The following ASNS variants were observed in gnomAD, a reference collection of about 807,000 sequenced individuals.
ASNS encodes asparagine synthetase [glutamine-hydrolyzing].
A neutral mutation model predicts 62.6 loss-of-function variants in ASNS; 37 were observed. That is an observed-to-expected ratio of 0.59 (90% CI 0.45 to 0.78). ASNS has a LOEUF of 0.78. ASNS is among the 30% of genes least tolerant of loss of function. ASNS has a pLI of 0.00. For missense variants in ASNS, 520 were observed against 682.4 expected (o/e 0.76, Z 2.65); for synonymous variants, 207 against 237.9 (o/e 0.87, Z 1.19).
the ASNS span, among the ~76,000 whole-genome samples, chr7:97,911,703 C>T: frequency 2.0e-5 from 3 of 152,254 alleles, 1 homozygote; most frequent in Middle Eastern, 0.01. Flanking sequence ...TTTTTGAGAT[C>T]TTACCATCTC....
At chr7:97,889,094 C>A in the ASNS span, among the ~76,000 whole-genome samples, 1 of 152,214 alleles carries the variant, frequency 6.6e-6, no homozygotes, top group Non-Finnish European at 1.5e-5. Context: ...AGGCTATCAT[C>A]AGTGCCCACA....
chr7:97,870,079 T>C (rs939496697), intron 1 of ASNS: 49 of 330,428 alleles, frequency 1.5e-4, no homozygotes, highest in African/African-American at 1.0e-3. Context: ...CTTACATACG[T>C]TAATTACTTT....
chr7:97,907,443 G>T, the ASNS span, among the ~76,000 whole-genome samples: 2 of 152,142 alleles, frequency 1.3e-5, no homozygotes, highest in Admixed American at 1.3e-4. Context: ...AGACAAGCCG[G>T]AAGAGGCCAG....
chr7:97,879,024 T>C, the ASNS span, among the ~76,000 whole-genome samples: 2 of 152,148 alleles, frequency 1.3e-5, no homozygotes, highest in Admixed American at 6.5e-5. Context: ...TTGACAAACC[T>C]GACAAAAACA....
At chr7:97,878,251 G>C in the ASNS span, among the ~76,000 whole-genome samples, 1 of 152,148 alleles carries the variant, frequency 6.6e-6, no homozygotes, top group Admixed American at 6.5e-5. Context: ...AGCTGGGAGT[G>C]GTGGCACACG....
At chr7:97,883,624 A>G in the ASNS span, among the ~76,000 whole-genome samples, 3,594 of 152,276 alleles carry the variant, frequency 0.024, 123 homozygotes, top group African/African-American at 0.066. Flanking sequence ...GACCAAAGCG[A>G]TCACTTCAGA....
the ASNS span, among the ~76,000 whole-genome samples, chr7:97,884,200 T>C: frequency 6.6e-6 from 1 of 152,106 alleles, no homozygotes; most frequent in Non-Finnish European, 1.5e-5. Flanking sequence ...TCCAGCCTCA[T>C]TTCCTGATTC....
chr7:97,852,351 A>G lies in ASNS; in HGVS notation c.1594T>C (p.Trp532Arg), dbSNP rs756447895. 1.9e-6 allele frequency: 3 copies of G among 1,614,186 alleles called. No individual in the cohort carries two copies. Among genetic ancestry groups the G allele is most frequent in the Non-Finnish European group, 2.5e-6 (3 of 1,180,042 alleles). The change falls in exon 13 of 13, where the codon TGG (tryptophan) becomes CGG (arginine). Residue 532 changes from tryptophan (W) to arginine (R), a missense_variant. Physicochemically the swap from Trp to Arg is moderately radical, Grantham distance 101. Coordinates refer to ENST00000394308, the MANE Select transcript of ASNS (RefSeq NM_001673.5). ...FERHYPGRAD[W>R]LSHYWMPKWI... The stretch of plus-strand genomic sequence containing the variant: ...TTGGGCATCCAGTAATGGCTCAGCC[A>G]GTCAGCCCGGCCTGGGTAATGGCGT...
chr7:97,875,891 C>G (rs1472423478), upstream of ASNS, among the ~76,000 whole-genome samples: 1 of 151,264 alleles, frequency 6.6e-6, no homozygotes, highest in Non-Finnish European at 1.5e-5. Flanking sequence ...GAGTCTTACT[C>G]TCTTGCCCAG....
At position 97,865,251 on chromosome 7, in the gene ASNS, G is replaced by A. The variant is rs138538595; in HGVS notation, c.250-755C>T. On this transcript the variant is annotated intron_variant, in intron 3 of 12. Coordinates refer to ENST00000394308, the MANE Select transcript of ASNS (RefSeq NM_001673.5). ...TAGAATCACCAGAATACCTGCATCA[G>A]CTGTTAAACAGCTGTACAAACAATG... 4.2e-3 allele frequency among the ~76,000 whole-genome samples: 634 copies of A among 152,318 alleles called. 9 individuals are homozygous for A. Among genetic ancestry groups the A allele is most frequent in the African/African-American group, 0.014 (602 of 41,574 alleles).
In ASNS at chr7:97,854,614, C is replaced by T; in HGVS notation, c.1204G>A (p.Val402Ile). 1 of 1,614,118 alleles carries T rather than the reference C, an allele frequency of 6.2e-7. No homozygotes were observed. Among genetic ancestry groups the T allele is most frequent in the South Asian group, 1.1e-5 (1 of 91,088 alleles). The change falls in exon 10 of 13, where the codon GTT becomes ATT. Residue 402 changes from valine to isoleucine, a missense_variant. Val to Ile is a conservative substitution (Grantham distance 29, BLOSUM62 3). Coordinates refer to ENST00000394308, the MANE Select transcript of ASNS (RefSeq NM_001673.5). Reference sequence around the variant, plus strand: ...GCAGTAGTTCGATCTGCGCGGAGAACATCAAACAAATAGAGTTCCCTCAGA... The same window carrying T: ...GCAGTAGTTCGATCTGCGCGGAGAATATCAAACAAATAGAGTTCCCTCAGA... The part of the protein sequence containing the change: ...RLLRELYLFD[V>I]LRADRTTAAH...
Position 97,859,246 on chromosome 7 carries a change from C to A in ASNS, c.640G>T (p.Ala214Ser). Residue 214 changes from alanine (A) to serine (S), a missense_variant, in exon 5 of 13, where the codon GCC becomes TCC. Coordinates refer to ENST00000394308, the MANE Select transcript of ASNS (RefSeq NM_001673.5). ...YHHCRDVPLH[A>S]LYDNVEKLFP... ...AGTTTCTCCACATTGTCATAGAGGG[C>A]GTGCAGGGGTACATCCCGACAGTGA... The A allele has an allele frequency of 3.1e-6, 5 of 1,613,652 alleles. No homozygotes were observed. The highest frequency in any genetic ancestry group is 3.4e-6 in the Non-Finnish European group (4 of 1,179,806).
At chr7:97,917,918 C>T in the ASNS span, among the ~76,000 whole-genome samples, 2 of 152,248 alleles carry the variant, frequency 1.3e-5, no homozygotes, top group African/African-American at 4.8e-5. Flanking sequence ...CTCTAGGATG[C>T]AGACAGTAGC....
chr7:97,907,584 C>T, the ASNS span, among the ~76,000 whole-genome samples: 4 of 152,000 alleles, frequency 2.6e-5, no homozygotes, highest in African/African-American at 7.3e-5. Flanking sequence ...CTGGCTAACA[C>T]GGTGAAACCC....
At chr7:97,888,859 C>T in the ASNS span, among the ~76,000 whole-genome samples, 1 of 152,196 alleles carries the variant, frequency 6.6e-6, no homozygotes, top group Non-Finnish European at 1.5e-5. Flanking sequence ...TGGAGATTGA[C>T]TCATCTGCCT....
At chr7:97,883,169 C>T in the ASNS span, among the ~76,000 whole-genome samples, 2 of 152,042 alleles carry the variant, frequency 1.3e-5, no homozygotes, top group South Asian at 2.1e-4. Context: ...TTCTGCATTT[C>T]TCATTAAAGC....
At chr7:97,918,615 T>C in the ASNS span, among the ~76,000 whole-genome samples, 2 of 152,208 alleles carry the variant, frequency 1.3e-5, no homozygotes, top group African/African-American at 4.8e-5. Flanking sequence ...TAAAAAAGGT[T>C]ACAATAAACA....
chr7:97,858,929 T>G lies in ASNS; in HGVS notation c.700A>C (p.Asn234His). ...PGFEIETVKNNLRILFNNAVK... is the reference protein window; with the variant it reads ...PGFEIETVKNHLRILFNNAVK... ...GCATTATTAAAAAGGATCCTGAGGT[T>G]GTTCTTCACAGTTTCTATCTCAAAA... Residue 234 changes from asparagine to histidine, a missense_variant, in exon 6 of 13, where the codon AAC becomes CAC. By Grantham distance (68) the Asn-to-His change is moderately conservative. Coordinates refer to ENST00000394308, the MANE Select transcript of ASNS (RefSeq NM_001673.5). 1 of 1,613,522 alleles carries G rather than the reference T, an allele frequency of 6.2e-7. No individual in the cohort carries two copies. Among genetic ancestry groups the G allele is most frequent in the Non-Finnish European group, 8.5e-7 (1 of 1,179,898 alleles).
chr7:97,927,257 C>T, the ASNS span, among the ~76,000 whole-genome samples: 2 of 152,112 alleles, frequency 1.3e-5, no homozygotes, highest in Non-Finnish European at 1.5e-5. Context: ...CAGAACAAAA[C>T]ATCACTGCAA....
Sources: allele counts gnomAD v4.1 joint callset (sites outside exome capture counted in the v4.1 genomes callset), GRCh38; gene constraint gnomAD v4.1.1; transcripts MANE v1.5; gene names NCBI Gene and HGNC (gene_info 2026-07-23, HGNC 2026-07-21).